Variants in GCSAML observed in about 807,000 individuals in gnomAD.
GCSAML encodes the protein germinal center-associated signaling and motility-like protein.
In GCSAML, 9 loss-of-function variants were observed where a neutral mutation model predicts 13.0. That is an observed-to-expected ratio of 0.69 (90% CI 0.42 to 1.21). The LOEUF (loss-of-function observed/expected upper bound fraction) is 1.21. Ranked by LOEUF, GCSAML falls within the 50% of genes most tolerant of loss-of-function variation. The pLI is 0.00. For synonymous variants in GCSAML, 37 were observed against 52.9 expected (o/e 0.70, Z 1.31); for missense variants, 143 against 153.4 (o/e 0.93, Z 0.36).
rs1276092137 is a variant in GCSAML at position 247,577,552 on chromosome 1, A to G, written c.*3170A>G. On this transcript the variant is annotated 3_prime_UTR_variant, in exon 5 of 5. Transcript: ENST00000366488. ...TTTAATGTTCTATCAGTAGTTGTAC[A>G]TCTTACTTGTCTCAGCATATCACCA... is the stretch of plus-strand genomic sequence containing the variant. 6.6e-6 allele frequency: 1 copy of G among 152,212 alleles called. No individual in the cohort carries two copies. Among genetic ancestry groups the G allele is most frequent in the Non-Finnish European group, 1.5e-5 (1 of 68,036 alleles). The allele number at this position is 152,212 out of a possible 1,614,324, so 9.4% of individuals were successfully genotyped here.
intron 2 of GCSAML, among the ~76,000 whole-genome samples, chr1:247,563,228 C>G (rs777453788): frequency 6.6e-6 from 1 of 152,168 alleles, no homozygotes; most frequent in Non-Finnish European, 1.5e-5. Context: ...AGGATTTATA[C>G]ACCCTCATCA....
At chr1:247,560,648 A>G (rs929297356) in intron 2 of GCSAML, among the ~76,000 whole-genome samples, 1 of 152,188 alleles carries the variant, frequency 6.6e-6, no homozygotes, top group Non-Finnish European at 1.5e-5. Context: ...GTACATATTG[A>G]AGGTACACAA....
chr1:247,553,689 C>T (rs1667855419), intron 1 of GCSAML, among the ~76,000 whole-genome samples: 1 of 152,202 alleles, frequency 6.6e-6, no homozygotes, highest in Admixed American at 6.5e-5. Flanking sequence ...CAGCTTTGAA[C>T]TCCTGGCCTC....
intron 4 of GCSAML, 145 bp downstream of exon 4, chr1:247,566,104 A>G: frequency 1.7e-6 from 1 of 582,932 alleles, no homozygotes; most frequent in East Asian, 3.3e-5. Flanking sequence ...TTTAGAAATC[A>G]TTCATATTTT....
chr1:247,566,238 TTTTA>T (rs1000103261), intron 4 of GCSAML, among the ~76,000 whole-genome samples: 7 of 152,056 alleles, frequency 4.6e-5, no homozygotes, highest in African/African-American at 1.7e-4. Context: ...TGAAGTCTAA[TTTTA>T]TTTATTTATT....
At chr1:247,531,494 A>G (rs1572315592) in intron 2 of GCSAML, 4 of 1,560,388 alleles carry the variant, frequency 2.6e-6, no homozygotes, top group East Asian at 2.3e-5. Context: ...CTGTCTTCCA[A>G]GGTCACTTTG....
intron 1 of GCSAML, among the ~76,000 whole-genome samples, chr1:247,551,524 T>C (rs1667776979): frequency 6.6e-6 from 1 of 152,168 alleles, no homozygotes; most frequent in Admixed American, 6.5e-5. Context: ...GAAATGTCTA[T>C]GCTCAGTGAG....
intron 2 of GCSAML, chr1:247,532,297 A>G: frequency 3.7e-6 from 6 of 1,614,210 alleles, no homozygotes; most frequent in Non-Finnish European, 5.1e-6. Context: ...GGTGAAGCTC[A>G]TGTCCAGGAA....
chr1:247,516,677 C>A (rs538162934), intron 1 of GCSAML, among the ~76,000 whole-genome samples: 4 of 151,576 alleles, frequency 2.6e-5, no homozygotes, highest in African/African-American at 9.7e-5. Flanking sequence ...CAAATGGACA[C>A]ATCCTGTACG....
intron 2 of GCSAML, chr1:247,533,733 G>A (rs1667105038): frequency 6.6e-6 from 1 of 152,156 alleles, no homozygotes; most frequent in South Asian, 2.1e-4. Context: ...AGTTTCTCTT[G>A]TATCTTTGGA....
At chr1:247,566,867 TA>T (rs987877592) in intron 4 of GCSAML, among the ~76,000 whole-genome samples, 1 of 151,948 alleles carries the variant, frequency 6.6e-6, no homozygotes, top group African/African-American at 2.4e-5. Flanking sequence ...TTTTATCTTA[TA>T]AAAATTATAA....
chr1:247,551,605 A>G (rs1161176990), intron 1 of GCSAML, among the ~76,000 whole-genome samples: 1 of 152,208 alleles, frequency 6.6e-6, no homozygotes, highest in Non-Finnish European at 1.5e-5. Flanking sequence ...GCAGGGGCAA[A>G]AGGAAAACTT....
chr1:247,558,455 A>G (rs978133582), intron 2 of GCSAML, among the ~76,000 whole-genome samples: 2 of 152,148 alleles, frequency 1.3e-5, no homozygotes, highest in East Asian at 1.9e-4. Context: ...ATACAGTTTG[A>G]TAAGTTTAGG....
upstream of GCSAML, among the ~76,000 whole-genome samples, chr1:247,546,509 C>T (rs1056937451): frequency 2.0e-5 from 3 of 152,026 alleles, no homozygotes; most frequent in Middle Eastern, 3.2e-3. Context: ...CAGGTGCCCG[C>T]CACCACGCCT....
chr1:247,542,584 A>T (rs764173305), intron 2 of GCSAML, among the ~76,000 whole-genome samples: 1 of 152,252 alleles, frequency 6.6e-6, no homozygotes, highest in East Asian at 1.9e-4. Context: ...AATTTTCAGT[A>T]TCAATAAAAT....
rs1293687676 is a variant in GCSAML, at chr1:247,527,655, G to A, written c.-148+601G>A. 1 of 152,404 alleles carries A rather than the reference G, an allele frequency of 6.6e-6. No individual in the cohort carries two copies. The highest frequency in any genetic ancestry group is 2.4e-5 in the African/African-American group (1 of 41,440). 9.4% of individuals were successfully genotyped at this position (152,404 alleles called of 1,614,324 possible). On this transcript the variant is annotated intron_variant, in intron 2 of 5. Coordinates refer to the GCSAML transcript ENST00000366489. This position sits in a 1 kb window ranked among gnomAD's most constrained non-coding sequence, Gnocchi z 4.6. ...ATTGAACATATTTCTGGGGTAAACA[G>A]TGATGTTTGGAAGCACATAATGTAT... is the stretch of plus-strand genomic sequence containing the variant.
intron 2 of GCSAML, among the ~76,000 whole-genome samples, chr1:247,541,651 C>T (rs1340666879): frequency 6.6e-6 from 1 of 152,032 alleles, no homozygotes; most frequent in Non-Finnish European, 1.5e-5. Context: ...ATAGAAAAAC[C>T]CTTAGGTGAG....
At chr1:247,546,630 G>A (rs1421435487), upstream of GCSAML, among the ~76,000 whole-genome samples, 1 of 151,910 alleles carries the variant, frequency 6.6e-6, no homozygotes, top group Non-Finnish European at 1.5e-5. Flanking sequence ...CAAAGTGCTG[G>A]GATGACAGGT....
chr1:247,523,997 TAC>T (rs34257635), intron 1 of GCSAML, among the ~76,000 whole-genome samples: 6,818 of 147,764 alleles, frequency 0.046, 470 homozygotes, highest in African/African-American at 0.15. Flanking sequence ...ACATCTGTCT[TAC>T]ACACACACAC....
Sources: gnomAD v4.1 joint callset for allele counts (sites outside exome capture counted in the v4.1 genomes callset) on GRCh38, gnomAD v4.1.1 for gene constraint, Gnocchi (gnomAD v3.1) non-coding constraint, MANE v1.5 for transcripts, NCBI Gene and HGNC (gene_info 2026-07-23, HGNC 2026-07-21) for gene names.